POMP: variants seen among roughly 807,000 people sequenced by gnomAD.
POMP encodes proteasome maturation protein, also known as 2510048O06Rik.
Under a neutral mutation model 20.6 loss-of-function variants are expected in POMP, and 12 were observed. That is an observed-to-expected ratio of 0.58 (90% confidence interval 0.37 to 0.94). POMP has a LOEUF of 0.94. Among genes scored for constraint, POMP ranks in the 40% least tolerant of loss-of-function variants. POMP has a pLI of 0.01. For missense variants in POMP, 136 were observed against 161.1 expected (o/e 0.84, Z 0.84); for synonymous variants, 53 against 55.0 (o/e 0.96, Z 0.16).
chr13:28,669,319 G>T (rs1051883097), intron 4 of POMP, among the ~76,000 whole-genome samples: 3 of 152,056 alleles, frequency 2.0e-5, no homozygotes, highest in Non-Finnish European at 4.4e-5. Flanking sequence ...TCATCTCCCT[G>T]TAGTATTTGA....
At chr13:28,667,508 A>G (rs1406966220) in intron 3 of POMP, among the ~76,000 whole-genome samples, 1 of 152,220 alleles carries the variant, frequency 6.6e-6, no homozygotes, top group African/African-American at 2.4e-5. Flanking sequence ...CCTAAGGACC[A>G]TCTGTCAAAA....
chr13:28,670,886 A>G (rs1884534552), intron 4 of POMP, among the ~76,000 whole-genome samples: 1 of 152,132 alleles, frequency 6.6e-6, no homozygotes. Flanking sequence ...GTCTCTACTA[A>G]AAATACAAAA....
At chr13:28,667,624 G>A (rs1412157527) in intron 3 of POMP, among the ~76,000 whole-genome samples, 1 of 152,040 alleles carries the variant, frequency 6.6e-6, no homozygotes, top group Non-Finnish European at 1.5e-5. Flanking sequence ...ATAGATTTTT[G>A]TTCAAAATGA....
rs951621477 is a variant in POMP at position 28,659,286 on chromosome 13, G to T, written c.3+99G>T. On this transcript the variant is annotated intron_variant, in intron 1 of 5. Transcript: ENST00000380842. ...TCCCAACCCGTCCCCGGTGGCGGCG[G>T]CGGCGGCAGCGTGGGGCTGAGGCCG... 3.3e-6 allele frequency: 5 copies of T among 1,529,278 alleles called. No individual in the cohort carries two copies. The African/African-American group carries it at 6.9e-5, about 21-fold the overall frequency. The allele number at this position is 1,529,278 out of a possible 1,614,324, so 94.7% of individuals were successfully genotyped here.
rs1273712838 is a variant in POMP, at chr13:28,678,403, G to GT, written c.*308dup. On this transcript the variant is annotated 3_prime_UTR_variant, in exon 6 of 6. Coordinates refer to ENST00000380842, the MANE Select transcript of POMP (RefSeq NM_015932.6). The stretch of plus-strand genomic sequence containing the variant: ...AGGTTTCAATTCAACCTGTTTCTAG[G>GT]TTTTTTTGTAAATTTAGTTTTGATT... 11 of 312,508 alleles carry GT rather than the reference G, an allele frequency of 3.5e-5. No individual in the cohort carries two copies. The highest frequency in any genetic ancestry group is 3.5e-4 in the South Asian group (9 of 25,758). 19.4% of individuals were successfully genotyped at this position (312,508 alleles called of 1,614,324 possible).
chr13:28,670,685 G>A (rs1884531203), intron 4 of POMP, among the ~76,000 whole-genome samples: 1 of 152,090 alleles, frequency 6.6e-6, no homozygotes, highest in South Asian at 2.1e-4. Context: ...TCACTGTTAG[G>A]CGTTTGCACA....
chr13:28,662,396 T>A lies in POMP; in HGVS notation c.4-14T>A. 1.3e-6 allele frequency: 2 copies of A among 1,594,400 alleles called. No homozygotes were observed. Among genetic ancestry groups the A allele is most frequent in the Non-Finnish European group, 1.7e-6 (2 of 1,162,520 alleles). ...TTTTTTTCTATTTAATAATGTTTTT[T>A]ATTTGTGTTGTAGAATGCCAGAGGA... is the stretch of plus-strand genomic sequence containing the variant. On this transcript the variant is annotated splice_polypyrimidine_tract_variant and intron_variant, in intron 1 of 5. Transcript: ENST00000380842.
chr13:28,670,785 G>C (rs1382651757), intron 4 of POMP, among the ~76,000 whole-genome samples: 1 of 152,214 alleles, frequency 6.6e-6, no homozygotes, highest in Non-Finnish European at 1.5e-5. Context: ...GGTGGCTCAT[G>C]CCTGTAATCC....
chr13:28,675,143 A>ATTTTT (rs368292851), intron 5 of POMP, among the ~76,000 whole-genome samples: 1 of 150,644 alleles, frequency 6.6e-6, no homozygotes. Context: ...GTTTAGGTAG[A>ATTTTT]TTTTTTTTGT....
At chr13:28,664,958 G>A (rs1260587865) in intron 3 of POMP, among the ~76,000 whole-genome samples, 1 of 152,116 alleles carries the variant, frequency 6.6e-6, no homozygotes, top group Non-Finnish European at 1.5e-5. Flanking sequence ...CAGCCACTAG[G>A]CACAGTAGGT....
chr13:28,663,465 C>T (rs1884384542), intron 2 of POMP, among the ~76,000 whole-genome samples: 1 of 152,122 alleles, frequency 6.6e-6, no homozygotes, highest in Non-Finnish European at 1.5e-5. Context: ...CATGTGCCAC[C>T]ATGCCCGGCT....
chr13:28,664,301 T>A (rs560791180), intron 2 of POMP, among the ~76,000 whole-genome samples: 1 of 152,298 alleles, frequency 6.6e-6, no homozygotes, highest in East Asian at 1.9e-4. Context: ...TTATTATATA[T>A]ACCTTTTTTT....
At chr13:28,675,834 T>A (rs1220426463) in intron 5 of POMP, among the ~76,000 whole-genome samples, 2 of 151,952 alleles carry the variant, frequency 1.3e-5, no homozygotes, top group Non-Finnish European at 2.9e-5. Flanking sequence ...GGCCAGTGAA[T>A]TATATGGCGA....
chr13:28,667,813 A>G (rs890131282), intron 3 of POMP, among the ~76,000 whole-genome samples: 2 of 152,196 alleles, frequency 1.3e-5, no homozygotes, highest in East Asian at 1.9e-4. Flanking sequence ...TTTAGAATCC[A>G]TGAGTCAAGT....
chr13:28,663,859 A>C (rs1402586906), intron 2 of POMP, among the ~76,000 whole-genome samples: 1 of 152,204 alleles, frequency 6.6e-6, no homozygotes, highest in Non-Finnish European at 1.5e-5. Flanking sequence ...CCATTTTCAA[A>C]ACCCACTTCC....
At chr13:28,671,806 C>G (rs1460164440) in intron 4 of POMP, among the ~76,000 whole-genome samples, 1 of 151,978 alleles carries the variant, frequency 6.6e-6, no homozygotes, top group Admixed American at 6.5e-5. Context: ...GTGTGATTAT[C>G]TTTAAAATAC....
Position 28,668,491 on chromosome 13 carries a change from A to G in POMP, c.181A>G (p.Lys61Glu), listed in dbSNP as rs1306296231. ...TTTGTAGTTCCAGCTCAACCAAGAT[A>G]AAATGAATTTTTCCACACTGAGAAA... ...SEKNFQLNQD[K>E]MNFSTLRNIQ... Residue 61 changes from lysine (K) to glutamate (E), a missense_variant, in exon 4 of 6, where the codon AAA (lysine) becomes GAA (glutamate). Coordinates refer to ENST00000380842, the MANE Select transcript of POMP (RefSeq NM_015932.6). The G allele has an allele frequency of 3.1e-6, 5 of 1,609,428 alleles. No individual in the cohort carries two copies. The African/African-American group carries it at 6.7e-5, about 22-fold the overall frequency.
intron 5 of POMP, among the ~76,000 whole-genome samples, chr13:28,672,800 T>A (rs1307161065): frequency 6.6e-6 from 1 of 152,200 alleles, no homozygotes; most frequent in African/African-American, 2.4e-5. Flanking sequence ...GTCATTTCAG[T>A]CTAGTAATGG....
At chr13:28,668,608 A>G (rs753348458) in intron 4 of POMP, 34 bp downstream of exon 4, 1 of 1,448,080 alleles carries the variant, frequency 6.9e-7, no homozygotes, top group East Asian at 2.3e-5. Flanking sequence ...ATATGTGTCG[A>G]TATCATTCAT....
Sources: gnomAD v4.1 joint callset for allele counts (sites outside exome capture counted in the v4.1 genomes callset) on GRCh38, gnomAD v4.1.1 for gene constraint, MANE v1.5 for transcripts, NCBI Gene and HGNC (gene_info 2026-07-23, HGNC 2026-07-21) for gene names.